The following TUT4 variants were observed in gnomAD, a reference collection of about 807,000 sequenced individuals.
TUT4 encodes the protein terminal uridylyltransferase 4.
A neutral mutation model predicts 192.2 loss-of-function variants in TUT4; 36 were observed. The observed-to-expected ratio is 0.19, with a 90% CI of 0.14 to 0.25. The LOEUF (loss-of-function observed/expected upper bound fraction) is 0.25. Ranked by LOEUF, TUT4 falls within the 10% of genes least tolerant of loss-of-function variation. The pLI, the probability that TUT4 is intolerant of heterozygous loss-of-function variation, is 1.00. For synonymous variants in TUT4, 618 were observed against 666.0 expected (o/e 0.93, Z 1.11); for missense variants, 1,493 against 1,957.2 (o/e 0.76, Z 4.47).
chr1:52,513,211 G>A (rs977409961), intron 3 of TUT4, among the ~76,000 whole-genome samples: 3 of 150,806 alleles, frequency 2.0e-5, no homozygotes, highest in African/African-American at 4.9e-5. Flanking sequence ...AGACCAGTCC[G>A]GGCAACCTGG....
chr1:52,463,632 A>C, intron 16 of TUT4: 2 of 1,301,586 alleles, frequency 1.5e-6, no homozygotes, highest in Non-Finnish European at 2.0e-6. Flanking sequence ...CATAAATAAC[A>C]ATAGCTAGGC....
chr1:52,503,114 A>C (rs1389046495), intron 4 of TUT4, among the ~76,000 whole-genome samples: 1 of 152,224 alleles, frequency 6.6e-6, no homozygotes, highest in Admixed American at 6.5e-5. Flanking sequence ...CAGATGTTAA[A>C]TATCGTCCTA....
chr1:52,547,141 A>G (rs541413407), intron 1 of TUT4, among the ~76,000 whole-genome samples: 1 of 149,910 alleles, frequency 6.7e-6, no homozygotes, highest in East Asian at 1.9e-4. Context: ...CCTTGGTGAT[A>G]GAGCAAGACT....
intron 28 of TUT4, among the ~76,000 whole-genome samples, chr1:52,429,809 G>T (rs1213116300): frequency 6.6e-6 from 1 of 151,922 alleles, no homozygotes; most frequent in Non-Finnish European, 1.5e-5. Context: ...GGCCAGCCTG[G>T]TCTTAAACTC....
At chr1:52,535,791 T>A (rs1465944768) in intron 1 of TUT4, among the ~76,000 whole-genome samples, 3 of 152,010 alleles carry the variant, frequency 2.0e-5, no homozygotes, top group African/African-American at 7.2e-5. Context: ...ATTTAACTCA[T>A]CAAACAAAAG....
intron 9 of TUT4, among the ~76,000 whole-genome samples, chr1:52,487,314 G>A (rs1176788925): frequency 1.3e-5 from 2 of 151,806 alleles, no homozygotes; most frequent in South Asian, 2.1e-4. Flanking sequence ...AGCCAGGCAC[G>A]TTGGTACACG....
chr1:52,435,607 T>C, intron 26 of TUT4, 142 bp from the exon 27 acceptor site: 1 of 642,672 alleles, frequency 1.6e-6, no homozygotes, highest in Non-Finnish European at 2.7e-6. Context: ...TTAAGTATAT[T>C]AACGAAGGAC....
intron 27 of TUT4, chr1:52,433,915 A>C (rs1198956261): frequency 6.6e-6 from 1 of 152,248 alleles, no homozygotes; most frequent in Non-Finnish European, 1.5e-5. Context: ...GAATGGGATC[A>C]AAGAAGAATG....
At chr1:52,502,184 C>G (rs938193613) in intron 4 of TUT4, among the ~76,000 whole-genome samples, 5 of 151,134 alleles carry the variant, frequency 3.3e-5, no homozygotes, top group Non-Finnish European at 7.4e-5. Context: ...TAAGACAATG[C>G]AACATGTTCT....
At chr1:52,461,015 TTC>T in intron 19 of TUT4, 117 bp downstream of exon 19, 1 of 740,988 alleles carries the variant, frequency 1.3e-6, no homozygotes, top group Non-Finnish European at 2.1e-6. Flanking sequence ...TACTGAAAGT[TTC>T]TTTTTTAAAA....
rs963600995 is a variant in TUT4, at chr1:52,471,993, C to T, written c.2837G>A (p.Arg946Gln). ...DLKPLPPMTNRFREILDLVCK... is the reference protein window; with the variant it reads ...DLKPLPPMTNQFREILDLVCK... ...TACTAAATCAAGTATTTCCCGAAAT[C>T]GGTTTGTCATTGGTGGTAGAGGTTT... Residue 946 changes from arginine (R) to glutamine (Q), a missense_variant, in exon 14 of 30, where the codon CGA becomes CAA. Coordinates refer to ENST00000257177, the MANE Select transcript of TUT4 (RefSeq NM_001009881.3). 2.4e-5 allele frequency: 38 copies of T among 1,613,340 alleles called. No individual in the cohort carries two copies. The highest frequency in any genetic ancestry group is 5.0e-5 in the Admixed American group (3 of 59,964).
chr1:52,474,115 G>A (rs573392232), intron 13 of TUT4, among the ~76,000 whole-genome samples: 8 of 152,184 alleles, frequency 5.3e-5, no homozygotes, highest in Non-Finnish European at 1.0e-4. Context: ...GGCTGAGGTG[G>A]GAGAATGGCT....
intron 4 of TUT4, among the ~76,000 whole-genome samples, chr1:52,500,157 T>C (rs979087373): frequency 3.3e-5 from 5 of 150,770 alleles, no homozygotes; most frequent in Non-Finnish European, 4.4e-5. Flanking sequence ...AAATAAACCC[T>C]GGCATGTATG....
In TUT4 at chr1:52,488,988, G is replaced by A; in HGVS notation, c.1436C>T (p.Thr479Ile). The A allele has an allele frequency of 1.2e-6, 2 of 1,613,790 alleles. No individual in the cohort carries two copies. Among genetic ancestry groups the A allele is most frequent in the Non-Finnish European group, 8.5e-7 (1 of 1,179,868 alleles). ...GCCAAGGGCAGTAAGTAAATCAGTA[G>A]TGAGACATGCCATATCGTTTCCTGC... is the stretch of plus-strand genomic sequence containing the variant. ...VSAGNDMACLTTDLLTALGKI... is the reference protein window; with the variant it reads ...VSAGNDMACLITDLLTALGKI... The change falls in exon 9 of 30, where the codon ACT becomes ATT. Residue 479 changes from threonine to isoleucine, a missense_variant. Transcript: ENST00000257177.
At chr1:52,488,878 T>C in intron 9 of TUT4, 31 bp downstream of exon 9, 1 of 1,579,440 alleles carries the variant, frequency 6.3e-7, no homozygotes. Flanking sequence ...TCTAAAAATA[T>C]AAATAAGTAG....
At chr1:52,438,118 A>G (rs774488652) in intron 25 of TUT4, 102 bp downstream of exon 25, 19 of 878,372 alleles carry the variant, frequency 2.2e-5, no homozygotes, top group Non-Finnish European at 3.4e-5. Context: ...ATAATTAAAT[A>G]CCCTAAACTT....
At chr1:52,437,809 GC>G (rs2148290306) in intron 25 of TUT4, 1 of 154,654 alleles carries the variant, frequency 6.5e-6, no homozygotes, top group East Asian at 1.9e-4. Context: ...CAAAAAATTA[GC>G]TGGGCATTGT....
chr1:52,497,567 G>C (rs1011502534), intron 4 of TUT4, among the ~76,000 whole-genome samples: 3 of 152,164 alleles, frequency 2.0e-5, no homozygotes, highest in African/African-American at 7.2e-5. Flanking sequence ...AGCATATACA[G>C]TATCAAGTTA....
At chr1:52,544,982 G>C (rs1203177513) in intron 1 of TUT4, among the ~76,000 whole-genome samples, 6 of 151,778 alleles carry the variant, frequency 4.0e-5, no homozygotes, top group Admixed American at 3.9e-4. Context: ...CTTGAGCCCA[G>C]GGAGGTCAAG....
Sources: gnomAD v4.1 joint callset for allele counts (sites outside exome capture counted in the v4.1 genomes callset) on GRCh38, gnomAD v4.1.1 for gene constraint, MANE v1.5 for transcripts, NCBI Gene and HGNC (gene_info 2026-07-23, HGNC 2026-07-21) for gene names.